Variants in GRM8 observed in about 807,000 individuals in gnomAD.
The protein encoded by GRM8 is metabotropic glutamate receptor 8.
Under a neutral mutation model 87.2 loss-of-function variants are expected in GRM8, and 47 were observed. That is an observed-to-expected ratio of 0.54 (90% CI 0.43 to 0.69). The LOEUF (loss-of-function observed/expected upper bound fraction) is 0.69. Among genes scored for constraint, GRM8 ranks in the 30% least tolerant of loss-of-function variants. GRM8 has a pLI of 0.00. For missense variants in GRM8, 1,019 were observed against 1,139.2 expected (o/e 0.89, Z 1.52); for synonymous variants, 396 against 404.5 (o/e 0.98, Z 0.25).
chr7:126,626,043 A>T (rs1166269975), intron 7 of GRM8, among the ~76,000 whole-genome samples: 1 of 151,972 alleles, frequency 6.6e-6, no homozygotes, highest in Non-Finnish European at 1.5e-5. Context: ...CATTATAAAA[A>T]GGACTTTGCT....
intron 3 of GRM8, among the ~76,000 whole-genome samples, chr7:127,096,189 T>C (rs771897126): frequency 2.0e-5 from 3 of 152,190 alleles, no homozygotes; most frequent in Non-Finnish European, 4.4e-5. Context: ...CTTTTGCTCA[T>C]TGAGCAAATT....
chr7:126,501,536 A>C (rs1809643486), intron 9 of GRM8, among the ~76,000 whole-genome samples: 1 of 152,052 alleles, frequency 6.6e-6, no homozygotes, highest in African/African-American at 2.4e-5. Context: ...AGACAATAGA[A>C]GAAAAGGGAG....
chr7:127,186,526 C>G (rs1297727110), intron 2 of GRM8, among the ~76,000 whole-genome samples: 1 of 152,090 alleles, frequency 6.6e-6, no homozygotes, highest in African/African-American at 2.4e-5. Context: ...GGCTGGGTTC[C>G]TTCCCCAAGT....
intron 9 of GRM8, among the ~76,000 whole-genome samples, chr7:126,509,965 G>A (rs1811085073): frequency 6.6e-6 from 1 of 151,944 alleles, no homozygotes; most frequent in African/African-American, 2.4e-5. Flanking sequence ...TACCAGAAGA[G>A]GAAGCTTTAA....
intron 3 of GRM8, among the ~76,000 whole-genome samples, chr7:127,090,053 G>A (rs1213649753): frequency 1.3e-5 from 2 of 152,218 alleles, no homozygotes; most frequent in East Asian, 3.9e-4. Context: ...CCATGCCTGG[G>A]ACCTTGTGAC....
intron 3 of GRM8, among the ~76,000 whole-genome samples, chr7:127,023,016 G>A (rs924164478): frequency 6.6e-5 from 10 of 151,972 alleles, no homozygotes; most frequent in African/African-American, 1.2e-4. Context: ...ATGCCCCCTC[G>A]CCTTAGTCTT....
In GRM8 at chr7:127,225,485, GAA is replaced by G. The variant is rs11325479; in HGVS notation, c.510+17208_510+17209del. Among the ~76,000 whole-genome samples the G allele has an allele frequency of 2.6e-3, 367 of 143,312 alleles. 2 individuals are homozygous for G. The highest frequency in any genetic ancestry group is 7.8e-3 in the African/African-American group (307 of 39,306). The allele number at this position is 143,312 out of a possible 152,430, so 94.0% of individuals were successfully genotyped here. On this transcript the variant is annotated intron_variant, in intron 2 of 10. Transcript: ENST00000339582. ...TGCTTTGTGTGCAACCTATCTGCTG[GAA>G]AAAAAAAAAAAATGGAACTAAGGTG...
At chr7:126,946,420 G>C (rs990000844) in intron 3 of GRM8, among the ~76,000 whole-genome samples, 1 of 152,158 alleles carries the variant, frequency 6.6e-6, no homozygotes, top group Non-Finnish European at 1.5e-5. Flanking sequence ...AGGATCACTT[G>C]GGCCTAATAA....
intron 8 of GRM8, among the ~76,000 whole-genome samples, chr7:126,569,387 AC>A (rs1226409421): frequency 6.6e-6 from 1 of 152,224 alleles, no homozygotes; most frequent in African/African-American, 2.4e-5. Flanking sequence ...CCATGTATCC[AC>A]ATGTTTGTTC....
Position 127,243,105 on chromosome 7 carries a change from G to C in GRM8, c.100C>G (p.Gln34Glu). ...ILTMMQRTHS[Q>E]EYAHSIRVDG... Reference sequence around the variant, plus strand: ...ACCCGTATGGAATGGGCATACTCCTGGCTGTGAGTTCTTTGCATCATTGTG... The same window carrying C: ...ACCCGTATGGAATGGGCATACTCCTCGCTGTGAGTTCTTTGCATCATTGTG... Residue 34 changes from glutamine (Q) to glutamate (E), a missense_variant, in exon 2 of 11, where the codon CAG becomes GAG. Gln to Glu is a conservative substitution (Grantham distance 29, BLOSUM62 2). Transcript: ENST00000339582. 6.2e-7 allele frequency: 1 copy of C among 1,613,982 alleles called. No homozygotes were observed. Among genetic ancestry groups the C allele is most frequent in the Non-Finnish European group, 8.5e-7 (1 of 1,179,960 alleles).
intron 6 of GRM8, among the ~76,000 whole-genome samples, chr7:126,868,472 T>C (rs1482720604): frequency 6.6e-6 from 1 of 152,160 alleles, no homozygotes; most frequent in Non-Finnish European, 1.5e-5. Context: ...GACCTTGATG[T>C]TGGAAGAGAG....
intron 7 of GRM8, among the ~76,000 whole-genome samples, chr7:126,661,956 T>A (rs1805228185): frequency 6.6e-6 from 1 of 152,200 alleles, no homozygotes; most frequent in Non-Finnish European, 1.5e-5. Context: ...TAACTGTGTG[T>A]GCAAAGCATA....
chr7:126,940,989 T>A (rs923940048), intron 3 of GRM8, among the ~76,000 whole-genome samples: 1 of 152,222 alleles, frequency 6.6e-6, no homozygotes, highest in Non-Finnish European at 1.5e-5. Context: ...AAGGTGCTGA[T>A]AATGAGGGAC....
chr7:126,954,750 G>T (rs1371433043), intron 3 of GRM8, among the ~76,000 whole-genome samples: 1 of 152,098 alleles, frequency 6.6e-6, no homozygotes, highest in East Asian at 1.9e-4. Context: ...AATCTATACA[G>T]TACCTGGAAT....
At chr7:126,987,978 C>G (rs1053504227) in intron 3 of GRM8, among the ~76,000 whole-genome samples, 8 of 152,070 alleles carry the variant, frequency 5.3e-5, no homozygotes, top group African/African-American at 1.9e-4. Flanking sequence ...GAAAATGACA[C>G]TGCAGAAAAC....
intron 6 of GRM8, among the ~76,000 whole-genome samples, chr7:126,895,146 C>A (rs565060363): frequency 6.6e-6 from 1 of 152,056 alleles, no homozygotes; most frequent in African/African-American, 2.4e-5. Context: ...ATACATATTA[C>A]TCTGTTATTA....
At position 126,532,943 on chromosome 7, in the gene GRM8, T is replaced by G. The variant is rs565515561; in HGVS notation, c.2430+9A>C. On this transcript the variant is annotated intron_variant, in intron 9 of 10. Coordinates refer to ENST00000339582, the MANE Select transcript of GRM8 (RefSeq NM_000845.3). ...GAAAAAGTTGTCAAGTGTATTTCCT[T>G]CTACTTACCTTTTCTGCTGACTGGG... 3.8e-6 allele frequency: 6 copies of G among 1,564,642 alleles called. No homozygotes were observed. In the South Asian group the frequency reaches 6.9e-5, roughly 18 times the overall value.
At chr7:126,822,631 A>T (rs754398180) in intron 6 of GRM8, among the ~76,000 whole-genome samples, 6 of 151,656 alleles carry the variant, frequency 4.0e-5, no homozygotes, top group Non-Finnish European at 8.8e-5. Context: ...ATTCACAGGC[A>T]TGGTCATAGC....
At chr7:126,606,088 T>C (rs951961626) in intron 8 of GRM8, among the ~76,000 whole-genome samples, 1 of 152,188 alleles carries the variant, frequency 6.6e-6, no homozygotes, top group African/African-American at 2.4e-5. Flanking sequence ...GGAAAATAAA[T>C]TTATCTCATA....
Sources: allele counts gnomAD v4.1 joint callset (sites outside exome capture counted in the v4.1 genomes callset), GRCh38; gene constraint gnomAD v4.1.1; transcripts MANE v1.5; gene names NCBI Gene and HGNC (gene_info 2026-07-23, HGNC 2026-07-21).